CNIH3: variants seen among roughly 807,000 people sequenced by gnomAD.
The protein encoded by CNIH3 is cornichon family AMPA receptor auxiliary protein 3, also known as protein cornichon homolog 3.
Under a neutral mutation model 24.1 loss-of-function variants are expected in CNIH3, and 14 were observed. The ratio of observed to expected loss-of-function variants is 0.58; its 90% CI spans 0.38 to 0.91. The LOEUF is 0.91. Among genes scored for constraint, CNIH3 ranks in the 40% least tolerant of loss-of-function variants. CNIH3 has a pLI of 0.00. For synonymous variants in CNIH3, 68 were observed against 73.8 expected (o/e 0.92, Z 0.40); for missense variants, 178 against 196.8 (o/e 0.90, Z 0.57).
intron 4 of CNIH3, among the ~76,000 whole-genome samples, chr1:224,733,319 G>A (rs1020907751): frequency 3.9e-5 from 6 of 152,172 alleles, no homozygotes; most frequent in Non-Finnish European, 8.8e-5. Flanking sequence ...CTGTTTCCAC[G>A]GAGCCACATG....
At chr1:224,553,298 C>A (rs1395823626) in intron 3 of CNIH3, among the ~76,000 whole-genome samples, 1 of 151,350 alleles carries the variant, frequency 6.6e-6, no homozygotes, top group Non-Finnish European at 1.5e-5. Flanking sequence ...GGGTGTACAC[C>A]CCCTGTGATA....
At chr1:224,719,707 G>T (rs1370525280) in intron 3 of CNIH3, among the ~76,000 whole-genome samples, 1 of 152,104 alleles carries the variant, frequency 6.6e-6, no homozygotes, top group African/African-American at 2.4e-5. Context: ...GAGGTTAAAT[G>T]GTTTACCGAA....
At chr1:224,465,737 C>G (rs113027833) in intron 1 of CNIH3, among the ~76,000 whole-genome samples, 179 of 152,216 alleles carry the variant, frequency 1.2e-3, no homozygotes, top group African/African-American at 4.2e-3. Context: ...GTATCAAAAC[C>G]AGGAAATTGG....
intron 2 of CNIH3, among the ~76,000 whole-genome samples, chr1:224,681,519 C>T (rs1231908717): frequency 6.6e-6 from 1 of 152,170 alleles, no homozygotes. Context: ...GATCAGCTCA[C>T]CTCTGCCTGG....
intron 1 of CNIH3, among the ~76,000 whole-genome samples, chr1:224,462,786 C>A (rs182475396): frequency 6.6e-6 from 1 of 151,386 alleles, no homozygotes; most frequent in African/African-American, 2.4e-5. Flanking sequence ...TCTGCAGGCA[C>A]GCACCACCAC....
intron 1 of CNIH3, among the ~76,000 whole-genome samples, chr1:224,510,583 C>T (rs1480455815): frequency 1.5e-5 from 2 of 132,196 alleles, no homozygotes; most frequent in Non-Finnish European, 3.2e-5. Flanking sequence ...GGCAACAGAA[C>T]AGGACCCTGT....
intron 3 of CNIH3, among the ~76,000 whole-genome samples, chr1:224,688,925 C>CAA (rs764640865): frequency 4.4e-5 from 4 of 91,246 alleles, no homozygotes; most frequent in Non-Finnish European, 7.1e-5. Context: ...AGATCTGTCT[C>CAA]AAAAAAAAAA....
intron 1 of CNIH3, among the ~76,000 whole-genome samples, chr1:224,657,323 A>C (rs922237040): frequency 1.3e-5 from 2 of 152,204 alleles, no homozygotes; most frequent in African/African-American, 2.4e-5. Context: ...TCATAAAGCC[A>C]GTCCGCTATG....
chr1:224,614,687 G>A (rs1042941572), upstream of CNIH3, among the ~76,000 whole-genome samples: 1 of 151,676 alleles, frequency 6.6e-6, no homozygotes, highest in Non-Finnish European at 1.5e-5. Context: ...GGTGGCTCAC[G>A]CCTGTAATCC....
chr1:224,725,716 G>A (rs1247561005), intron 3 of CNIH3, among the ~76,000 whole-genome samples: 3 of 152,124 alleles, frequency 2.0e-5, no homozygotes, highest in African/African-American at 7.2e-5. Flanking sequence ...CCAACAACAG[G>A]GGCGCTTGCT....
intron 3 of CNIH3, among the ~76,000 whole-genome samples, chr1:224,600,267 G>T (rs112468243): frequency 2.7e-5 from 4 of 149,584 alleles, no homozygotes; most frequent in African/African-American, 9.9e-5. Flanking sequence ...TTGGCTCACC[G>T]CAACCTCCAC....
rs563980441 is a variant in CNIH3 at position 224,488,413 on chromosome 1, C to T, written n.204-27328C>T. On this transcript the variant is annotated intron_variant and non_coding_transcript_variant, in intron 1 of 5. Transcript: ENST00000471578. ...GTTAATCAATCTTCAAGTTCACTGA[C>T]GCTTTCTTCTATATCTTTATTCTGC... 1.5e-4 allele frequency among the ~76,000 whole-genome samples: 18 copies of T among 121,124 alleles called. No individual in the cohort carries two copies. In the East Asian group the frequency reaches 2.1e-3, roughly 14 times the overall value. 79.5% of individuals were successfully genotyped at this position (121,124 alleles called of 152,430 possible). A position where few individuals can be genotyped will look rare whatever the true frequency, so the allele number is the denominator to read the frequency against.
intron 1 of CNIH3, among the ~76,000 whole-genome samples, chr1:224,480,441 G>A (rs904021874): frequency 3.3e-5 from 5 of 152,214 alleles, no homozygotes; most frequent in African/African-American, 1.2e-4. Context: ...TCTGCAGCCA[G>A]CTTCAATCTG....
At chr1:224,658,569 G>T (rs1196372086) in intron 1 of CNIH3, among the ~76,000 whole-genome samples, 1 of 151,620 alleles carries the variant, frequency 6.6e-6, no homozygotes, top group East Asian at 1.9e-4. Flanking sequence ...AGTCACTATG[G>T]AATAGTTATT....
chr1:224,674,622 G>T (rs1267076646), intron 1 of CNIH3, among the ~76,000 whole-genome samples: 4 of 152,062 alleles, frequency 2.6e-5, no homozygotes, highest in Non-Finnish European at 4.4e-5. Context: ...GGGGGAACAG[G>T]GAGGGGCAAT....
intron 1 of CNIH3, among the ~76,000 whole-genome samples, chr1:224,634,626 C>T (rs1414517057): frequency 6.6e-6 from 1 of 151,786 alleles, no homozygotes; most frequent in Non-Finnish European, 1.5e-5. Context: ...GTCTCCCAGT[C>T]AGTGCAGGCC....
At chr1:224,581,244 C>T (rs1681262072) in intron 4 of CNIH3, among the ~76,000 whole-genome samples, 1 of 152,006 alleles carries the variant, frequency 6.6e-6, no homozygotes, top group African/African-American at 2.4e-5. Flanking sequence ...AAGTCTTTTT[C>T]CGGTTTTGAT....
intron 3 of CNIH3, among the ~76,000 whole-genome samples, chr1:224,699,194 G>A (rs906431468): frequency 1.3e-5 from 2 of 152,170 alleles, no homozygotes; most frequent in African/African-American, 2.4e-5. Flanking sequence ...AGCCTCATGC[G>A]GATGGGCCCT....
At chr1:224,560,519 T>C (rs2124982458) in intron 3 of CNIH3, among the ~76,000 whole-genome samples, 1 of 152,234 alleles carries the variant, frequency 6.6e-6, no homozygotes, top group East Asian at 1.9e-4. Flanking sequence ...TGCTCCCCGT[T>C]GCTTGCATTA....
Sources: allele counts gnomAD v4.1 joint callset (sites outside exome capture counted in the v4.1 genomes callset), GRCh38; gene constraint gnomAD v4.1.1; transcripts MANE v1.5; gene names NCBI Gene and HGNC (gene_info 2026-07-23, HGNC 2026-07-21).